SMC6: variants seen among roughly 807,000 people sequenced by gnomAD.
SMC6 encodes the protein structural maintenance of chromosomes protein 6.
Under a neutral mutation model 142.2 loss-of-function variants are expected in SMC6, and 79 were observed. The observed-to-expected ratio is 0.56, with a 90% CI of 0.46 to 0.67. The LOEUF (loss-of-function observed/expected upper bound fraction) is 0.67, where lower values mean the gene tolerates loss of function less well. Ranked by LOEUF, SMC6 falls within the 30% of genes least tolerant of loss-of-function variation. The pLI is 0.00. For missense variants in SMC6, 1,072 were observed against 1,284.0 expected (o/e 0.83, Z 2.52); for synonymous variants, 411 against 412.4 (o/e 1.00, Z 0.04).
chr2:17,710,228 T>C (rs1199074508), intron 16 of SMC6, among the ~76,000 whole-genome samples: 3 of 152,168 alleles, frequency 2.0e-5, no homozygotes, highest in African/African-American at 7.2e-5. Flanking sequence ...ATTTCTGAAG[T>C]ACAGCCAGTA....
intron 12 of SMC6, 37 bp from the exon 13 acceptor site, chr2:17,717,213 A>G (rs775680671): frequency 3.4e-6 from 5 of 1,466,440 alleles, no homozygotes; most frequent in South Asian, 1.2e-5. Context: ...ACAAAAATGA[A>G]AACACAAATA....
At chr2:17,733,175 T>C (rs772287171) in intron 5 of SMC6, among the ~76,000 whole-genome samples, 11 of 152,216 alleles carry the variant, frequency 7.2e-5, no homozygotes, top group Non-Finnish European at 1.3e-4. Flanking sequence ...CTGTTCCCAT[T>C]TGTGGGAAAT....
chr2:17,739,015 A>G (rs929499578), intron 4 of SMC6, among the ~76,000 whole-genome samples: 1 of 152,192 alleles, frequency 6.6e-6, no homozygotes, highest in African/African-American at 2.4e-5. Flanking sequence ...TCTTTCATTC[A>G]ATACTGTATC....
intron 7 of SMC6, among the ~76,000 whole-genome samples, chr2:17,726,805 C>A (rs1268744263): frequency 6.6e-6 from 1 of 152,124 alleles, no homozygotes; most frequent in Non-Finnish European, 1.5e-5. Flanking sequence ...CACCCTCATG[C>A]CACTGGTTAA....
At chr2:17,707,048 A>G (rs1668545424) in intron 18 of SMC6, among the ~76,000 whole-genome samples, 171 bp downstream of exon 18, 1 of 152,202 alleles carries the variant, frequency 6.6e-6, no homozygotes, top group South Asian at 2.1e-4. Flanking sequence ...ATGATGCAAG[A>G]TAACTGTCAA....
intron 17 of SMC6, among the ~76,000 whole-genome samples, chr2:17,707,781 C>T (rs558825911): frequency 6.6e-6 from 1 of 151,858 alleles, no homozygotes; most frequent in South Asian, 2.1e-4. Flanking sequence ...TAGCAAATTC[C>T]AATAAAAGAT....
rs1028686935 is a variant in SMC6 at position 17,664,245 on chromosome 2, C to T, written c.*1254G>A. On this transcript the variant is annotated 3_prime_UTR_variant, in exon 28 of 28. Transcript: ENST00000448223. ...AAATGTTTAAAATATTCAGCACACA[C>T]TTTCCTCCTCCTGGAAATTCTGATT... 2.0e-5 allele frequency: 3 copies of T among 152,208 alleles called. No homozygotes were observed. Among genetic ancestry groups the T allele is most frequent in the African/African-American group, 4.8e-5 (2 of 41,454 alleles). The allele number at this position is 152,208 out of a possible 1,614,324, so 9.4% of individuals were successfully genotyped here. A position where few individuals can be genotyped will look rare whatever the true frequency, so the allele number is the denominator to read the frequency against.
chr2:17,731,178 T>C (rs1011433976), intron 6 of SMC6, 39 bp from the exon 7 acceptor site: 6 of 1,432,106 alleles, frequency 4.2e-6, no homozygotes, highest in Non-Finnish European at 5.9e-6. Flanking sequence ...AAACTGTTTC[T>C]AGGGCATAAC....
At chr2:17,695,778 T>C (rs548284660) in intron 22 of SMC6, among the ~76,000 whole-genome samples, 1 of 152,248 alleles carries the variant, frequency 6.6e-6, no homozygotes, top group Non-Finnish European at 1.5e-5. Flanking sequence ...AGTAAGAAAA[T>C]GAATTACAGA....
In SMC6 at chr2:17,720,920, C is replaced by A; in HGVS notation, c.945+20G>T. ...CATATGATTCAACCTATTAAATCTG[C>A]ATTTAAAAACTGTAATTACCTGCTG... is the stretch of plus-strand genomic sequence containing the variant. On this transcript the variant is annotated intron_variant, in intron 11 of 27. Transcript: ENST00000448223. The A allele has an allele frequency of 6.3e-7, 1 of 1,588,936 alleles. No individual in the cohort carries two copies. Among genetic ancestry groups the A allele is most frequent in the Non-Finnish European group, 8.6e-7 (1 of 1,159,044 alleles).
rs1194010973 is a variant in SMC6, at chr2:17,707,794, A to T, written c.1846-415T>A. Among the ~76,000 whole-genome samples, 7 of 152,212 alleles carry T rather than the reference A, an allele frequency of 4.6e-5. No homozygotes were observed. In the East Asian group the frequency reaches 1.2e-3, roughly 25 times the overall value. ...AATAGCAAATTCCAATAAAAGATTA[A>T]CATACTGAAATATGTAGGGAAAGTC... On this transcript the variant is annotated intron_variant, in intron 17 of 27. Coordinates refer to ENST00000448223, the MANE Select transcript of SMC6 (RefSeq NM_001142286.2).
At chr2:17,738,394 G>A in intron 4 of SMC6, 68 bp from the exon 5 acceptor site, 1 of 1,039,676 alleles carries the variant, frequency 9.6e-7, no homozygotes. Flanking sequence ...CTCCTACCAT[G>A]TAATGCAAAA....
chr2:17,751,714 C>T (rs975718200), intron 2 of SMC6, among the ~76,000 whole-genome samples: 4 of 152,180 alleles, frequency 2.6e-5, no homozygotes, highest in Non-Finnish European at 5.9e-5. Flanking sequence ...TTAACCTAAG[C>T]AACTACGCTT....
chr2:17,670,349 G>T (rs1043670358), intron 26 of SMC6, 74 bp downstream of exon 26: 13 of 1,473,642 alleles, frequency 8.8e-6, no homozygotes, highest in African/African-American at 8.6e-5. Context: ...ACTAAAGAAA[G>T]ATTTCCTTCC....
At chr2:17,731,975 T>A in intron 5 of SMC6, 98 bp from the exon 6 acceptor site, 2 of 1,332,886 alleles carry the variant, frequency 1.5e-6, no homozygotes, top group Admixed American at 2.5e-5. Context: ...ACCAAATAAT[T>A]TGGCCAATTC....
chr2:17,750,085 TA>T (rs1228066071), intron 2 of SMC6, among the ~76,000 whole-genome samples: 1 of 152,228 alleles, frequency 6.6e-6, no homozygotes, highest in African/African-American at 2.4e-5. Flanking sequence ...TCCACCCATC[TA>T]AAATTTCAGG....
At position 17,725,329 on chromosome 2, in the gene SMC6, C is replaced by T; in HGVS notation, c.654G>A (p.Gln218=). 6.2e-7 allele frequency: 1 copy of T among 1,606,030 alleles called. No homozygotes were observed. Among genetic ancestry groups the T allele is most frequent in the Non-Finnish European group, 8.5e-7 (1 of 1,178,234 alleles). ...KFFMKATQLE[Q]MKEDYSYIME... ...TAATGTATGAATAATCTTCCTTCATCTGTTCAAGTTGCGTTGCTTTCATGA... is the reference window on the plus strand; with the variant it reads ...TAATGTATGAATAATCTTCCTTCATTTGTTCAAGTTGCGTTGCTTTCATGA... The change falls in exon 9 of 28, where the codon CAG becomes CAA. Residue 218 remains glutamine, a synonymous_variant. Transcript: ENST00000448223.
intron 7 of SMC6, among the ~76,000 whole-genome samples, chr2:17,730,397 A>G (rs1304903402): frequency 4.9e-5 from 7 of 141,504 alleles, no homozygotes; most frequent in Non-Finnish European, 1.1e-4. Context: ...ACACTCATCC[A>G]GAAAAAAAAA....
intron 23 of SMC6, among the ~76,000 whole-genome samples, chr2:17,686,544 A>C (rs1021108853): frequency 1.3e-5 from 2 of 152,168 alleles, no homozygotes; most frequent in African/African-American, 2.4e-5. Flanking sequence ...TCGAGCATTG[A>C]TATGATGCCA....
Sources: gnomAD v4.1 joint callset for allele counts (sites outside exome capture counted in the v4.1 genomes callset) on GRCh38, gnomAD v4.1.1 for gene constraint, MANE v1.5 for transcripts, NCBI Gene and HGNC (gene_info 2026-07-23, HGNC 2026-07-21) for gene names.